KSR2: variants seen among roughly 807,000 people sequenced by gnomAD.
KSR2 encodes kinase suppressor of ras 2.
KSR2 carries 25 observed loss-of-function variants against 107.8 expected under a neutral mutation model. The observed-to-expected ratio is 0.23, with a 90% CI of 0.17 to 0.32. The LOEUF is 0.32. Among genes scored for constraint, KSR2 ranks in the 10% least tolerant of loss-of-function variants. KSR2 has a pLI of 1.00. For missense variants in KSR2, 887 were observed against 1,268.9 expected (o/e 0.70, Z 4.57); for synonymous variants, 480 against 507.0 (o/e 0.95, Z 0.71).
At chr12:117,743,348 G>A (rs372760623) in intron 4 of KSR2, among the ~76,000 whole-genome samples, 6 of 152,254 alleles carry the variant, frequency 3.9e-5, no homozygotes, top group East Asian at 1.9e-4. Flanking sequence ...CCATTCTACC[G>A]CCACTGCAGC....
intron 5 of KSR2, among the ~76,000 whole-genome samples, chr12:117,624,319 T>C (rs1372318693): frequency 2.0e-5 from 3 of 152,216 alleles, no homozygotes; most frequent in African/African-American, 7.2e-5. Context: ...GTCCTGAATG[T>C]ATTGCCTAGG....
intron 4 of KSR2, among the ~76,000 whole-genome samples, chr12:117,737,261 A>C (rs1488781727): frequency 6.6e-6 from 1 of 152,238 alleles, no homozygotes; most frequent in Non-Finnish European, 1.5e-5. Flanking sequence ...CTCCAAGAAT[A>C]GTTTTTATAT....
At chr12:117,798,344 CAG>C (rs1370227524) in intron 3 of KSR2, among the ~76,000 whole-genome samples, 3 of 152,160 alleles carry the variant, frequency 2.0e-5, no homozygotes, top group African/African-American at 7.2e-5. Flanking sequence ...CCTAAAGAAA[CAG>C]AGGAAGCTGG....
intron 5 of KSR2, among the ~76,000 whole-genome samples, chr12:117,663,678 G>A (rs752870062): frequency 6.6e-6 from 1 of 152,166 alleles, no homozygotes; most frequent in Admixed American, 6.5e-5. Context: ...ACAGCATCCA[G>A]TTAGTTGCTT....
At chr12:117,844,084 A>G (rs922428956) in intron 3 of KSR2, among the ~76,000 whole-genome samples, 1 of 152,136 alleles carries the variant, frequency 6.6e-6, no homozygotes, top group Non-Finnish European at 1.5e-5. Context: ...CAGAAGGGAT[A>G]CTGTTCCAGA....
At position 117,794,984 on chromosome 12, in the gene KSR2, C is replaced by A. The variant is rs376368628; in HGVS notation, c.473-33460G>T. Among the ~76,000 whole-genome samples, 3 of 152,220 alleles carry A rather than the reference C, an allele frequency of 2.0e-5. No individual in the cohort carries two copies. In the East Asian group the frequency reaches 5.8e-4, roughly 29 times the overall value. ...ACTGCTAATGGTTTTCCCCAAGCTG[C>A]AGCAAAGTGATTGACTTCCAGCCCC... On this transcript the variant is annotated intron_variant, in intron 3 of 19. Coordinates refer to ENST00000339824, the MANE Select transcript of KSR2 (RefSeq NM_173598.6).
At chr12:117,518,361 G>T (rs887772186) in intron 14 of KSR2, among the ~76,000 whole-genome samples, 2 of 151,866 alleles carry the variant, frequency 1.3e-5, no homozygotes, top group African/African-American at 4.8e-5. Flanking sequence ...CTAATACCTC[G>T]CCCCATCCTA....
chr12:117,799,590 C>T (rs1368320372), intron 3 of KSR2, among the ~76,000 whole-genome samples: 1 of 152,056 alleles, frequency 6.6e-6, no homozygotes, highest in Non-Finnish European at 1.5e-5. Flanking sequence ...ATAGATGATG[C>T]ATGGACATTG....
At chr12:117,816,785 C>T (rs1239648751) in intron 3 of KSR2, among the ~76,000 whole-genome samples, 1 of 152,186 alleles carries the variant, frequency 6.6e-6, no homozygotes, top group Admixed American at 6.5e-5. Flanking sequence ...ATTCACACAA[C>T]CATCCTGTGG....
At chr12:117,771,603 C>G (rs983614937) in intron 3 of KSR2, among the ~76,000 whole-genome samples, 1 of 152,136 alleles carries the variant, frequency 6.6e-6, no homozygotes, top group African/African-American at 2.4e-5. Flanking sequence ...GGGCTAAATG[C>G]TCTAATTGCA....
At chr12:117,542,747 A>G (rs981495204) in intron 9 of KSR2, among the ~76,000 whole-genome samples, 2 of 152,140 alleles carry the variant, frequency 1.3e-5, no homozygotes, top group African/African-American at 4.8e-5. Flanking sequence ...CCTCAACCTC[A>G]ATCCCAAGTA....
At chr12:117,966,996 G>A (rs968740998) in intron 1 of KSR2, among the ~76,000 whole-genome samples, 1 of 152,260 alleles carries the variant, frequency 6.6e-6, no homozygotes, top group South Asian at 2.1e-4. Flanking sequence ...GCTAATGGAA[G>A]TTCCCAAATT....
intron 14 of KSR2, among the ~76,000 whole-genome samples, chr12:117,520,522 G>A (rs541319492): frequency 2.0e-5 from 3 of 152,284 alleles, no homozygotes; most frequent in African/African-American, 7.2e-5. Context: ...CAGTCTGACC[G>A]AGGGCAGCAA....
intron 5 of KSR2, among the ~76,000 whole-genome samples, chr12:117,592,404 G>A (rs1363969570): frequency 4.6e-5 from 7 of 152,204 alleles, no homozygotes; most frequent in African/African-American, 1.4e-4. Context: ...ATGAGCGACC[G>A]TGCCTGGCCC....
intron 3 of KSR2, among the ~76,000 whole-genome samples, chr12:117,792,893 T>C (rs955567814): frequency 2.0e-5 from 3 of 150,376 alleles, no homozygotes; most frequent in African/African-American, 7.4e-5. Flanking sequence ...ACACACAACA[T>C]GCAGACCCTC....
chr12:117,912,355 A>G (rs927819951), intron 1 of KSR2, among the ~76,000 whole-genome samples: 1 of 152,218 alleles, frequency 6.6e-6, no homozygotes, highest in African/African-American at 2.4e-5. Context: ...TATGATTCAA[A>G]TGATGGTATG....
At chr12:117,835,743 T>C (rs564489875) in intron 3 of KSR2, among the ~76,000 whole-genome samples, 1 of 152,008 alleles carries the variant, frequency 6.6e-6, no homozygotes, top group East Asian at 1.9e-4. Flanking sequence ...CTGTTAAACA[T>C]CTTCCAAGGC....
chr12:117,814,768 A>C (rs1891313797), intron 3 of KSR2, among the ~76,000 whole-genome samples: 2 of 152,128 alleles, frequency 1.3e-5, no homozygotes, highest in Admixed American at 6.5e-5. Context: ...GATCCCTCAA[A>C]GTGTGGGTCC....
At chr12:117,761,903 A>G (rs949040034) in intron 3 of KSR2, among the ~76,000 whole-genome samples, 2 of 152,214 alleles carry the variant, frequency 1.3e-5, no homozygotes, top group African/African-American at 4.8e-5. Flanking sequence ...ATTACATCAT[A>G]TGCATGCTAT....
Sources: gnomAD v4.1 joint callset for allele counts (sites outside exome capture counted in the v4.1 genomes callset) on GRCh38, gnomAD v4.1.1 for gene constraint, MANE v1.5 for transcripts, NCBI Gene and HGNC (gene_info 2026-07-23, HGNC 2026-07-21) for gene names.